SOX5: variants seen among roughly 807,000 people sequenced by gnomAD.
The protein encoded by SOX5 is transcription factor SOX-5.
SOX5 carries 9 observed loss-of-function variants against 92.0 expected under a neutral mutation model. The ratio of observed to expected loss-of-function variants is 0.10; its 90% CI spans 0.06 to 0.17. SOX5 has a LOEUF of 0.17. SOX5 is among the 10% of genes least tolerant of loss of function. SOX5 has a pLI of 1.00. For missense variants in SOX5, 642 were observed against 944.5 expected, an observed-to-expected ratio of 0.68 and a Z score of 4.20; for synonymous variants, 344 against 336.3, an observed-to-expected ratio of 1.02 and a Z score of -0.25.
chr12:23,963,991 C>A (rs112788618), intron 4 of SOX5, among the ~76,000 whole-genome samples: 13 of 151,528 alleles, frequency 8.6e-5, no homozygotes, highest in East Asian at 5.8e-4. Flanking sequence ...AACCAACCAA[C>A]CAAACAAAAA....
At chr12:24,300,722 TCA>T (rs1273791673) in intron 2 of SOX5, among the ~76,000 whole-genome samples, 1 of 152,212 alleles carries the variant, frequency 6.6e-6, no homozygotes, top group East Asian at 1.9e-4. Context: ...TATTGCCTAT[TCA>T]CAGAGGCCCC....
At chr12:24,432,999 A>G (rs1016969861) in intron 1 of SOX5, among the ~76,000 whole-genome samples, 1 of 152,220 alleles carries the variant, frequency 6.6e-6, no homozygotes, top group Non-Finnish European at 1.5e-5. Context: ...CTCAGCAGTG[A>G]TTTCTAAATC....
At chr12:24,306,545 G>A (rs1192527278) in intron 2 of SOX5, among the ~76,000 whole-genome samples, 1 of 152,198 alleles carries the variant, frequency 6.6e-6, no homozygotes, top group Non-Finnish European at 1.5e-5. Flanking sequence ...TTGCAGGGAA[G>A]ATGAATGTTT....
At chr12:24,553,191 G>T (rs1953384653) in intron 1 of SOX5, among the ~76,000 whole-genome samples, 1 of 152,188 alleles carries the variant, frequency 6.6e-6, no homozygotes, top group South Asian at 2.1e-4. Flanking sequence ...CCAACACCTT[G>T]TGATGGAAGA....
chr12:24,029,168 G>C lies in SOX5; in HGVS notation c.-1-133144C>G, dbSNP rs552691062. Among the ~76,000 whole-genome samples, 4 of 152,090 alleles carry C rather than the reference G, an allele frequency of 2.6e-5. No homozygotes were observed. The South Asian group carries it at 8.3e-4, about 31-fold the overall frequency. On this transcript the variant is annotated intron_variant, in intron 4 of 4. Transcript: ENST00000446891. ...AAATACACATTATTTTCTATTGACT[G>C]TAGTTCCTTTTAAATCCGTGTATTT...
At chr12:23,933,169 A>T (rs185236741) in intron 1 of SOX5, among the ~76,000 whole-genome samples, 2 of 151,786 alleles carry the variant, frequency 1.3e-5, no homozygotes, top group African/African-American at 4.8e-5. Flanking sequence ...CACAATTCAT[A>T]TGTTTTTAAT....
chr12:23,539,464 G>A (rs1162828016), intron 13 of SOX5, among the ~76,000 whole-genome samples: 2 of 152,116 alleles, frequency 1.3e-5, no homozygotes, highest in Non-Finnish European at 2.9e-5. Context: ...TCAATCCTCT[G>A]CAGGTCAGGA....
chr12:24,520,184 G>C, intron 1 of SOX5, among the ~76,000 whole-genome samples: 1 of 152,062 alleles, frequency 6.6e-6, no homozygotes, highest in Non-Finnish European at 1.5e-5. Context: ...ATGCTTAAAG[G>C]AGTCCTTTGA....
Position 23,801,981 on chromosome 12 carries a change from T to A in SOX5, c.481+44002A>T, listed in dbSNP as rs563712046. On this transcript the variant is annotated intron_variant, in intron 3 of 14. Transcript: ENST00000451604. The stretch of plus-strand genomic sequence containing the variant: ...CTATTAAAATATGAAAGTCTTTTTC[T>A]GGGAAATGCATGCTACAATTATAGA... Among the ~76,000 whole-genome samples the A allele has an allele frequency of 3.3e-5, 5 of 152,320 alleles. No individual in the cohort carries two copies. In the East Asian group the frequency reaches 9.6e-4, roughly 29 times the overall value.
chr12:23,933,725 C>G (rs1941946173), intron 1 of SOX5, among the ~76,000 whole-genome samples: 1 of 151,506 alleles, frequency 6.6e-6, no homozygotes, highest in South Asian at 2.1e-4. Flanking sequence ...CCAGGATGCT[C>G]TTCAGGTACT....
rs775168144 is a variant in SOX5 at position 23,592,639 on chromosome 12, G to C, written c.1164+11748C>G. On this transcript the variant is annotated intron_variant, in intron 9 of 14. Transcript: ENST00000451604. ...TTTTCAAGCAGCAGTCTGATAATCA[G>C]TTTCTTAGCAATATTCAATAATTCT... Among the ~76,000 whole-genome samples, 20 of 152,092 alleles carry C rather than the reference G, an allele frequency of 1.3e-4. 1 individual carries two copies. The highest frequency in any genetic ancestry group is 5.2e-4 in the Admixed American group (8 of 15,274).
At chr12:24,199,525 T>C (rs1001980354) in intron 4 of SOX5, among the ~76,000 whole-genome samples, 2 of 152,108 alleles carry the variant, frequency 1.3e-5, no homozygotes, top group East Asian at 3.9e-4. Context: ...CTCTGTTTGG[T>C]AAATCAGGGG....
At chr12:24,116,332 T>C (rs1433159346) in intron 4 of SOX5, among the ~76,000 whole-genome samples, 2 of 152,076 alleles carry the variant, frequency 1.3e-5, no homozygotes, top group Non-Finnish European at 2.9e-5. Context: ...TCAATTATAC[T>C]GAAACACAAA....
intron 4 of SOX5, among the ~76,000 whole-genome samples, chr12:24,189,575 G>A (rs1013858948): frequency 6.6e-6 from 1 of 152,138 alleles, no homozygotes; most frequent in Non-Finnish European, 1.5e-5. Flanking sequence ...ATTTCTCAGT[G>A]GAAGTTTGAT....
chr12:24,458,951 C>T (rs1393596635), intron 1 of SOX5, among the ~76,000 whole-genome samples: 1 of 152,126 alleles, frequency 6.6e-6, no homozygotes, highest in African/African-American at 2.4e-5. Context: ...TCTCCCACTG[C>T]AATCACTTTA....
chr12:24,278,160 A>G (rs1377166286), intron 2 of SOX5, among the ~76,000 whole-genome samples: 1 of 152,142 alleles, frequency 6.6e-6, no homozygotes, highest in Non-Finnish European at 1.5e-5. Context: ...TTGGGTGTTT[A>G]TTTTTATATC....
At chr12:24,328,351 G>A (rs1950942851) in intron 2 of SOX5, among the ~76,000 whole-genome samples, 1 of 152,176 alleles carries the variant, frequency 6.6e-6, no homozygotes. Flanking sequence ...ATCAGCTTAA[G>A]AAGTTGTATT....
chr12:23,965,981 G>A (rs970651679), intron 4 of SOX5, among the ~76,000 whole-genome samples: 1 of 151,986 alleles, frequency 6.6e-6, no homozygotes, highest in Non-Finnish European at 1.5e-5. Flanking sequence ...AGAGCACAAT[G>A]ATCTTCAACC....
intron 7 of SOX5, among the ~76,000 whole-genome samples, chr12:23,647,243 T>C (rs2080980773): frequency 6.6e-6 from 1 of 152,224 alleles, no homozygotes; most frequent in Non-Finnish European, 1.5e-5. Context: ...AGTAATGTTT[T>C]GAAAGAAATC....
Sources: gnomAD v4.1 joint callset for allele counts (sites outside exome capture counted in the v4.1 genomes callset) on GRCh38, gnomAD v4.1.1 for gene constraint, MANE v1.5 for transcripts, NCBI Gene and HGNC (gene_info 2026-07-23, HGNC 2026-07-21) for gene names.